GRID1: variants seen among roughly 807,000 people sequenced by gnomAD.
GRID1 encodes the protein glutamate receptor ionotropic, delta-1.
A neutral mutation model predicts 98.0 loss-of-function variants in GRID1; 28 were observed. The ratio of observed to expected loss-of-function variants is 0.29; its 90% CI spans 0.21 to 0.39. The LOEUF (loss-of-function observed/expected upper bound fraction) is 0.39. Ranked by LOEUF, GRID1 falls within the 10% of genes least tolerant of loss-of-function variation. The pLI, the probability that GRID1 is intolerant of heterozygous loss-of-function variation, is 1.00. For missense variants in GRID1, 1,111 were observed against 1,340.5 expected (o/e 0.83, Z 2.67); for synonymous variants, 553 against 538.5 (o/e 1.03, Z -0.37).
chr10:85,872,553 C>T (rs185125674), intron 5 of GRID1, among the ~76,000 whole-genome samples: 6 of 152,356 alleles, frequency 3.9e-5, no homozygotes, highest in Non-Finnish European at 7.3e-5. Flanking sequence ...TTGCACAGTA[C>T]GTTTCTGTAA....
At position 85,828,632 on chromosome 10, in the gene GRID1, CA is replaced by C. The variant is rs540581794; in HGVS notation, c.1233+25863del. Among the ~76,000 whole-genome samples the C allele has an allele frequency of 3.2e-4, 47 of 149,148 alleles. No homozygotes were observed. In the East Asian group the frequency reaches 8.1e-3, roughly 26 times the overall value. ...AGAACATTACTACTGAACTGAAATG[CA>C]AAAAAAAACCCAGTGACAACAACCC... On this transcript the variant is annotated intron_variant, in intron 8 of 15. Transcript: ENST00000327946.
intron 4 of GRID1, among the ~76,000 whole-genome samples, chr10:86,034,627 G>T (rs1843230185): frequency 6.6e-6 from 1 of 151,566 alleles, no homozygotes; most frequent in African/African-American, 2.4e-5. Flanking sequence ...TTGCTTCCTG[G>T]TAAGGGGCCT....
intron 9 of GRID1, among the ~76,000 whole-genome samples, chr10:85,728,779 G>T (rs973583430): frequency 3.9e-5 from 6 of 152,146 alleles, no homozygotes; most frequent in Admixed American, 2.6e-4. Flanking sequence ...ATTTAGTTGT[G>T]TTGGGAAATA....
At chr10:85,863,150 A>AAGCTTATAGCTTATTTGTGCTTAT (rs1173315828) in intron 6 of GRID1, among the ~76,000 whole-genome samples, 2 of 152,174 alleles carry the variant, frequency 1.3e-5, no homozygotes, top group Non-Finnish European at 2.9e-5. Context: ...GGTGGCTTAT[A>AAGCTTATAGCTTATTTGTGCTTAT]AGCAACAAAA....
At chr10:85,750,313 C>T (rs1049090111) in intron 8 of GRID1, among the ~76,000 whole-genome samples, 1 of 152,214 alleles carries the variant, frequency 6.6e-6, no homozygotes, top group Admixed American at 6.5e-5. Flanking sequence ...TCTGACCCAT[C>T]ACCAGGGAAG....
chr10:86,261,038 A>G (rs1847009262), intron 2 of GRID1, among the ~76,000 whole-genome samples: 1 of 152,244 alleles, frequency 6.6e-6, no homozygotes, highest in Non-Finnish European at 1.5e-5. Context: ...AGCCCGGAGA[A>G]GCCTCTGTGC....
At chr10:86,196,537 A>G (rs1313269406) in intron 3 of GRID1, among the ~76,000 whole-genome samples, 2 of 152,108 alleles carry the variant, frequency 1.3e-5, no homozygotes, top group South Asian at 2.1e-4. Context: ...AGCACGTTAG[A>G]AAAAGATAAA....
Position 85,998,965 on chromosome 10 carries a change from C to T in GRID1, c.727-82726G>A, listed in dbSNP as rs139367815. Among the ~76,000 whole-genome samples, 695 of 152,312 alleles carry T rather than the reference C, an allele frequency of 4.6e-3. 3 individuals carry two copies. The highest frequency in any genetic ancestry group is 0.024 in the Middle Eastern group (7 of 294). On this transcript the variant is annotated intron_variant, in intron 4 of 15. Transcript: ENST00000327946. ...CAGTGGCTCACGCCTGTAATCCCAGCGCTTTGGGAGGCCAAGGCGGGTGGA... is the reference window on the plus strand; with the variant it reads ...CAGTGGCTCACGCCTGTAATCCCAGTGCTTTGGGAGGCCAAGGCGGGTGGA...
intron 4 of GRID1, among the ~76,000 whole-genome samples, chr10:86,064,780 C>T (rs1436605231): frequency 6.6e-6 from 1 of 152,166 alleles, no homozygotes; most frequent in African/African-American, 2.4e-5. Flanking sequence ...GCATTTGCAC[C>T]TGTGGATTCC....
At chr10:85,656,404 T>G (rs890461436) in intron 12 of GRID1, among the ~76,000 whole-genome samples, 2 of 152,178 alleles carry the variant, frequency 1.3e-5, no homozygotes, top group African/African-American at 4.8e-5. Context: ...GTTGCAGGAC[T>G]TTTGCCACAA....
intron 8 of GRID1, among the ~76,000 whole-genome samples, chr10:85,853,753 G>T (rs985732036): frequency 1.3e-5 from 2 of 152,162 alleles, no homozygotes; most frequent in African/African-American, 2.4e-5. Context: ...GCCCTTACTT[G>T]CCATGTCGGC....
chr10:85,990,161 A>G (rs1842662826), intron 4 of GRID1, among the ~76,000 whole-genome samples: 1 of 152,214 alleles, frequency 6.6e-6, no homozygotes, highest in South Asian at 2.1e-4. Context: ...CAAATTATTC[A>G]AAAACATGAC....
chr10:86,008,951 T>G (rs1372718619), intron 4 of GRID1, among the ~76,000 whole-genome samples: 1 of 152,138 alleles, frequency 6.6e-6, no homozygotes, highest in Non-Finnish European at 1.5e-5. Flanking sequence ...AGCAAAATCT[T>G]GATATCATGT....
In GRID1 at chr10:85,916,848, C is replaced by CTATCAGTT. The variant is rs2131824878; in HGVS notation, c.727-617_727-610dup. Among the ~76,000 whole-genome samples, 1 of 152,324 alleles carries CTATCAGTT rather than the reference C, an allele frequency of 6.6e-6. No homozygotes were observed. Among genetic ancestry groups the CTATCAGTT allele is most frequent in the African/African-American group, 2.4e-5 (1 of 41,576 alleles). On this transcript the variant is annotated intron_variant, in intron 4 of 15. Coordinates refer to ENST00000327946, the MANE Select transcript of GRID1 (RefSeq NM_017551.3). The surrounding 1 kb of genome is among the most constrained non-coding windows in gnomAD (Gnocchi z 4.0). ...ACTTGCCATCTTTGTGCTTGAATGGCTATCAGTTTACTTATTTCTTATTGT... is the reference window on the plus strand; with the variant it reads ...ACTTGCCATCTTTGTGCTTGAATGGCTATCAGTTTATCAGTTTACTTATTTCTTATTGT...
At chr10:86,007,634 A>T (rs1243262851) in intron 4 of GRID1, among the ~76,000 whole-genome samples, 3 of 152,204 alleles carry the variant, frequency 2.0e-5, no homozygotes, top group Non-Finnish European at 2.9e-5. Flanking sequence ...CAATTAAAAA[A>T]ATTAAATATT....
At chr10:85,837,877 G>A (rs1277788992) in intron 8 of GRID1, among the ~76,000 whole-genome samples, 2 of 152,168 alleles carry the variant, frequency 1.3e-5, no homozygotes, top group Non-Finnish European at 2.9e-5. Flanking sequence ...GAAGCTACAG[G>A]AGTAGGTTGA....
At chr10:86,100,940 G>A (rs1289628470) in intron 4 of GRID1, among the ~76,000 whole-genome samples, 1 of 152,156 alleles carries the variant, frequency 6.6e-6, no homozygotes, top group Non-Finnish European at 1.5e-5. Context: ...ATGAGATGCT[G>A]GATTCCAGTG....
intron 13 of GRID1, among the ~76,000 whole-genome samples, chr10:85,630,410 T>C (rs1256705827): frequency 6.6e-6 from 1 of 152,226 alleles, no homozygotes; most frequent in Non-Finnish European, 1.5e-5. Flanking sequence ...GTTATTCTCA[T>C]GGTCATGACA....
chr10:86,267,088 G>A (rs1847115245), intron 2 of GRID1, among the ~76,000 whole-genome samples: 1 of 152,218 alleles, frequency 6.6e-6, no homozygotes, highest in Non-Finnish European at 1.5e-5. Flanking sequence ...CCGGGAAAGT[G>A]CTTGGCACAC....
Sources: allele counts gnomAD v4.1 joint callset (sites outside exome capture counted in the v4.1 genomes callset), GRCh38; gene constraint gnomAD v4.1.1; non-coding constraint Gnocchi (gnomAD v3.1); transcripts MANE v1.5; gene names NCBI Gene and HGNC (gene_info 2026-07-23, HGNC 2026-07-21).